CPA6: variants seen among roughly 807,000 people sequenced by gnomAD.
CPA6 encodes carboxypeptidase B.
A neutral mutation model predicts 63.3 loss-of-function variants in CPA6; 58 were observed. That is an observed-to-expected ratio of 0.92 (90% CI 0.74 to 1.14). The LOEUF is 1.14. Ranked by LOEUF, CPA6 falls within the 50% of genes most tolerant of loss-of-function variation. CPA6 has a pLI of 0.00. For synonymous variants in CPA6, 185 were observed against 179.0 expected (o/e 1.03, Z -0.27); for missense variants, 565 against 526.6 (o/e 1.07, Z -0.71).
intron 2 of CPA6, among the ~76,000 whole-genome samples, chr8:67,616,662 T>C (rs74680333): frequency 0.012 from 1,856 of 152,210 alleles, 16 homozygotes; most frequent in East Asian, 0.034. Flanking sequence ...GTTTTTCCAC[T>C]TCTTGAATCT....
At chr8:67,482,637 G>A (rs942730135) in intron 8 of CPA6, among the ~76,000 whole-genome samples, 2 of 152,138 alleles carry the variant, frequency 1.3e-5, no homozygotes, top group Non-Finnish European at 2.9e-5. Flanking sequence ...ACAAGGGATA[G>A]GTTACTGATA....
chr8:67,674,956 G>A (rs1816437071), intron 1 of CPA6, among the ~76,000 whole-genome samples: 1 of 152,128 alleles, frequency 6.6e-6, no homozygotes, highest in Non-Finnish European at 1.5e-5. Context: ...TCACTTATAA[G>A]TAGGAGCTAA....
intron 6 of CPA6, among the ~76,000 whole-genome samples, chr8:67,499,455 C>A (rs530668545): frequency 3.9e-4 from 60 of 152,272 alleles, no homozygotes; most frequent in African/African-American, 1.3e-3. Flanking sequence ...AAATTAGGGT[C>A]CACATGTAAT....
chr8:67,632,572 A>C (rs1054369911), intron 1 of CPA6, among the ~76,000 whole-genome samples: 2 of 152,236 alleles, frequency 1.3e-5, no homozygotes, highest in African/African-American at 4.8e-5. Flanking sequence ...TTGGCTTCCC[A>C]AAGTGCTGGG....
At chr8:67,448,772 A>T (rs1810492289) in intron 8 of CPA6, among the ~76,000 whole-genome samples, 1 of 151,856 alleles carries the variant, frequency 6.6e-6, no homozygotes, top group South Asian at 2.1e-4. Context: ...ATTTTCTTCT[A>T]AGAATTTTAT....
intron 3 of CPA6, among the ~76,000 whole-genome samples, chr8:67,514,045 T>C (rs1009138718): frequency 6.6e-6 from 1 of 151,634 alleles, no homozygotes; most frequent in Non-Finnish European, 1.5e-5. Flanking sequence ...TGCAACTCCA[T>C]CTTCCAAGTT....
At chr8:67,452,936 A>C (rs187219331) in intron 8 of CPA6, among the ~76,000 whole-genome samples, 3 of 152,198 alleles carry the variant, frequency 2.0e-5, no homozygotes, top group Non-Finnish European at 2.9e-5. Context: ...GGGAATGAGG[A>C]TAGAAATAGA....
At chr8:67,645,581 G>T (rs1173851462) in intron 1 of CPA6, among the ~76,000 whole-genome samples, 8 of 152,208 alleles carry the variant, frequency 5.3e-5, no homozygotes, top group African/African-American at 1.7e-4. Context: ...GGGCTGACTA[G>T]TATAATAATG....
chr8:67,430,195 T>A (rs1190686658), intron 9 of CPA6, among the ~76,000 whole-genome samples: 4 of 151,020 alleles, frequency 2.6e-5, no homozygotes, highest in Non-Finnish European at 5.9e-5. Context: ...TTTTTTTTTT[T>A]TTAGACAGAG....
chr8:67,726,717 A>G (rs1193549887), intron 1 of CPA6, among the ~76,000 whole-genome samples: 1 of 152,250 alleles, frequency 6.6e-6, no homozygotes, highest in Non-Finnish European at 1.5e-5. Context: ...ATATATCAGC[A>G]TGATGCAGGG....
At chr8:67,556,100 A>G (rs1361222078) in intron 2 of CPA6, among the ~76,000 whole-genome samples, 4 of 152,228 alleles carry the variant, frequency 2.6e-5, no homozygotes, top group Non-Finnish European at 2.9e-5. Flanking sequence ...GATCATGAGC[A>G]AGAAACAAAC....
At chr8:67,593,190 C>A (rs555403433) in intron 2 of CPA6, among the ~76,000 whole-genome samples, 16 of 150,398 alleles carry the variant, frequency 1.1e-4, no homozygotes, top group Admixed American at 7.3e-4. Flanking sequence ...TGTAGTTGAG[C>A]GGTTTTGAGT....
intron 2 of CPA6, among the ~76,000 whole-genome samples, chr8:67,606,053 A>T (rs1300619331): frequency 4.7e-5 from 7 of 150,310 alleles, no homozygotes; most frequent in Non-Finnish European, 1.0e-4. Context: ...GCGATAGTTT[A>T]CTGAGAATGA....
At chr8:67,425,328 C>T (rs985557551) in intron 10 of CPA6, among the ~76,000 whole-genome samples, 3 of 151,852 alleles carry the variant, frequency 2.0e-5, no homozygotes, top group Non-Finnish European at 4.4e-5. Flanking sequence ...AAAAATAACG[C>T]TTTTATGCTA....
At chr8:67,644,979 G>A (rs1239754561) in intron 1 of CPA6, among the ~76,000 whole-genome samples, 3 of 152,088 alleles carry the variant, frequency 2.0e-5, no homozygotes, top group Non-Finnish European at 2.9e-5. Flanking sequence ...CTACTTCTAC[G>A]ATCCTACCCT....
intron 8 of CPA6, among the ~76,000 whole-genome samples, chr8:67,442,629 A>G (rs1021355663): frequency 6.6e-6 from 1 of 152,188 alleles, no homozygotes; most frequent in Admixed American, 6.5e-5. Flanking sequence ...ATGCGCCTAG[A>G]GTGGTAATTA....
chr8:67,585,606 A>G (rs406796), intron 2 of CPA6, among the ~76,000 whole-genome samples: 61,878 of 151,876 alleles, frequency 0.41, 13,606 homozygotes, highest in African/African-American at 0.54. Context: ...CAGCATGCAA[A>G]CCCCAAAATA....
chr8:67,567,583 A>G (rs1252831048), intron 2 of CPA6, among the ~76,000 whole-genome samples: 1 of 152,250 alleles, frequency 6.6e-6, no homozygotes, highest in African/African-American at 2.4e-5. Context: ...AAAATCAACT[A>G]GAACTATTCA....
chr8:67,664,651 G>A (rs1043958539), intron 1 of CPA6, among the ~76,000 whole-genome samples: 1 of 152,012 alleles, frequency 6.6e-6, no homozygotes, highest in African/African-American at 2.4e-5. Flanking sequence ...CAAGGCTCAT[G>A]TGGGCTCTAG....
Sources: gnomAD v4.1 joint callset for allele counts (sites outside exome capture counted in the v4.1 genomes callset) on GRCh38, gnomAD v4.1.1 for gene constraint, MANE v1.5 for transcripts, NCBI Gene and HGNC (gene_info 2026-07-23, HGNC 2026-07-21) for gene names.